The following SLF1 variants were observed in gnomAD, a reference collection of about 807,000 sequenced individuals.
SLF1 encodes SMC5/6 complex localization factor 1.
In SLF1, 105 loss-of-function variants were observed where a neutral mutation model predicts 123.0. The observed-to-expected ratio is 0.85, with a 90% CI of 0.73 to 1.00. The LOEUF is 1.00. Ranked by LOEUF, SLF1 falls within the 50% of genes least tolerant of loss-of-function variation. SLF1 has a pLI of 0.00. For missense variants in SLF1, 1,239 were observed against 1,223.0 expected (o/e 1.01, Z -0.20); for synonymous variants, 434 against 406.6 (o/e 1.07, Z -0.81).
In SLF1 at chr5:94,670,354, T is replaced by G; in HGVS notation, c.1661+75T>G. On this transcript the variant is annotated intron_variant, in intron 13 of 20. Coordinates refer to ENST00000265140, the MANE Select transcript of SLF1 (RefSeq NM_032290.4). The stretch of plus-strand genomic sequence containing the variant: ...ATGCACCATTTTTTTTTTACAATTA[T>G]TATAAATATATTTCTAAAAAGTCAC... 5.4e-6 allele frequency: 6 copies of G among 1,108,746 alleles called. No individual in the cohort carries two copies. The South Asian group carries it at 1.2e-4, about 22-fold the overall frequency. 68.7% of individuals were successfully genotyped at this position (1,108,746 alleles called of 1,614,324 possible). A position where few individuals can be genotyped will look rare whatever the true frequency, so the allele number is the denominator to read the frequency against.
At chr5:94,626,452 C>A (rs1053820786) in intron 1 of SLF1, among the ~76,000 whole-genome samples, 3 of 151,952 alleles carry the variant, frequency 2.0e-5, no homozygotes, top group Non-Finnish European at 4.4e-5. Context: ...GCATTTATTT[C>A]ATTGGAGAGC....
chr5:94,620,315 GTTA>G (rs1486959860), intron 1 of SLF1: 45 of 152,262 alleles, frequency 3.0e-4, no homozygotes, highest in African/African-American at 1.0e-3. Flanking sequence ...TTTATTATGC[GTTA>G]TTAAGTAAAA....
chr5:94,689,397 A>G, intron 17 of SLF1, 76 bp from the exon 18 acceptor site: 1 of 1,440,362 alleles, frequency 6.9e-7, no homozygotes, highest in Non-Finnish European at 9.3e-7. Context: ...CTAGACTTTT[A>G]AAAAATACCA....
chr5:94,672,156 A>T (rs1425123888), intron 14 of SLF1, among the ~76,000 whole-genome samples: 1 of 152,106 alleles, frequency 6.6e-6, no homozygotes, highest in South Asian at 2.1e-4. Context: ...TGCTAATGAC[A>T]CCTTATTATT....
intron 16 of SLF1, among the ~76,000 whole-genome samples, chr5:94,688,234 A>G (rs1208379770): frequency 3.9e-5 from 6 of 152,140 alleles, no homozygotes; most frequent in Non-Finnish European, 8.8e-5. Flanking sequence ...GCATAAGACT[A>G]ATCAAAAGAG....
At chr5:94,682,288 T>C (rs1262855025) in intron 15 of SLF1, among the ~76,000 whole-genome samples, 6 of 152,168 alleles carry the variant, frequency 3.9e-5, no homozygotes, top group Non-Finnish European at 8.8e-5. Flanking sequence ...TTGTTCATAT[T>C]TTGATGAAGA....
chr5:94,647,146 G>C (rs1202223530), intron 5 of SLF1, among the ~76,000 whole-genome samples: 1 of 152,074 alleles, frequency 6.6e-6, no homozygotes, highest in Admixed American at 6.6e-5. Context: ...TCCCCATTTT[G>C]AGTATTATTA....
At chr5:94,665,163 G>A in intron 11 of SLF1, among the ~76,000 whole-genome samples, 1 of 152,176 alleles carries the variant, frequency 6.6e-6, no homozygotes, top group East Asian at 1.9e-4. Flanking sequence ...AAACTTCTTA[G>A]TAGGCCGGGT....
chr5:94,630,738 T>A lies in SLF1; in HGVS notation c.426T>A (p.Leu142=), dbSNP rs1745104760. Residue 142 remains leucine (L), a synonymous_variant, in exon 4 of 21, where the codon CTT becomes CTA. Transcript: ENST00000265140. ...GAACTGATAAGCGAAGTGATTCTCT[T>A]ATAAGGTAGGATGTGATTACATAAA... ...LVRTDKRSDS[L]IRVLEAGKAN... 6.4e-7 allele frequency: 1 copy of A among 1,550,828 alleles called. No homozygotes were observed. The highest frequency in any genetic ancestry group is 1.4e-5 in the African/African-American group (1 of 73,016).
chr5:94,672,509 G>A (rs573847560), intron 14 of SLF1, among the ~76,000 whole-genome samples: 4 of 138,174 alleles, frequency 2.9e-5, no homozygotes, highest in African/African-American at 1.1e-4. Context: ...CTCTTCCCCC[G>A]CCCCATATAG....
At chr5:94,660,453 G>T (rs1334168955) in intron 9 of SLF1, among the ~76,000 whole-genome samples, 3 of 152,176 alleles carry the variant, frequency 2.0e-5, no homozygotes, top group African/African-American at 7.2e-5. Flanking sequence ...ATTCTCCCTG[G>T]CAGTGCACTT....
chr5:94,641,154 G>A (rs1746394751), intron 4 of SLF1, among the ~76,000 whole-genome samples: 1 of 152,310 alleles, frequency 6.6e-6, no homozygotes, highest in African/African-American at 2.4e-5. Context: ...TGTTGAGCTA[G>A]TGCTATGGTG....
Position 94,678,957 on chromosome 5 carries a change from T to C in SLF1, c.1975+2T>C. 3 of 1,612,392 alleles carry C rather than the reference T, an allele frequency of 1.9e-6. No homozygotes were observed. Among genetic ancestry groups the C allele is most frequent in the Non-Finnish European group, 2.5e-6 (3 of 1,179,304 alleles). On this transcript the variant is annotated splice_donor_variant, in intron 15 of 20. Coordinates refer to ENST00000265140, the MANE Select transcript of SLF1 (RefSeq NM_032290.4). LOFTEE classifies it high-confidence loss of function. ...GTTATGTTTCTCTTTCGTGTGATGG[T>C]AAGTTTGTCTATGTTCTGTTTTTTT...
At chr5:94,651,896 A>G (rs1747766602) in intron 7 of SLF1, 51 bp downstream of exon 7, 1 of 940,970 alleles carries the variant, frequency 1.1e-6, no homozygotes, top group Non-Finnish European at 1.4e-6. Flanking sequence ...TATAGTGTTT[A>G]TAGAACAGTT....
chr5:94,661,764 T>C (rs1749149559), intron 9 of SLF1, among the ~76,000 whole-genome samples: 1 of 152,196 alleles, frequency 6.6e-6, no homozygotes, highest in Non-Finnish European at 1.5e-5. Context: ...CTCAAACTCC[T>C]GACCTCAGGT....
chr5:94,645,190 A>T (rs1746880943), intron 5 of SLF1, among the ~76,000 whole-genome samples: 1 of 152,210 alleles, frequency 6.6e-6, no homozygotes, highest in South Asian at 2.1e-4. Context: ...TAATGAGAAG[A>T]AAGCCACTGA....
Position 94,694,920 on chromosome 5 carries a change from A to G in SLF1, c.2785A>G (p.Ile929Val), listed in dbSNP as rs777837886. Reference sequence around the variant, plus strand: ...TCAAATCAAAGAAGAACTGTTTGCTATTACAAAAATAGAAGATACAGTGGA... The same window carrying G: ...TCAAATCAAAGAAGAACTGTTTGCTGTTACAAAAATAGAAGATACAGTGGA... ...SPQIKEELFA[I>V]TKIEDTVENF... The change falls in exon 21 of 21, where the codon ATT (isoleucine) becomes GTT (valine). Residue 929 changes from isoleucine to valine, a missense_variant. Ile to Val is a conservative substitution (Grantham distance 29). Coordinates refer to ENST00000265140, the MANE Select transcript of SLF1 (RefSeq NM_032290.4). 1 of 1,612,004 alleles carries G rather than the reference A, an allele frequency of 6.2e-7. No individual in the cohort carries two copies. Among genetic ancestry groups the G allele is most frequent in the Non-Finnish European group, 8.5e-7 (1 of 1,178,984 alleles).
intron 3 of SLF1, among the ~76,000 whole-genome samples, chr5:94,629,405 T>A (rs923496612): frequency 1.1e-5 from 1 of 91,584 alleles, no homozygotes; most frequent in African/African-American, 3.9e-5. Context: ...TAGTGTGTTT[T>A]GTTTAAGACA....
chr5:94,665,815 CT>C, intron 11 of SLF1, 45 bp from the exon 12 acceptor site: 1 of 1,475,370 alleles, frequency 6.8e-7, no homozygotes. Context: ...AGTCAAACTA[CT>C]TTTAGCTATA....
Sources: allele counts gnomAD v4.1 joint callset (sites outside exome capture counted in the v4.1 genomes callset), GRCh38; gene constraint gnomAD v4.1.1; transcripts MANE v1.5; gene names NCBI Gene and HGNC (gene_info 2026-07-23, HGNC 2026-07-21).